The following MROH2A variants were observed in gnomAD, a reference collection of about 807,000 sequenced individuals.
The protein encoded by MROH2A is maestro heat-like repeat-containing protein family member 2A.
MROH2A carries 174 observed loss-of-function variants against 200.4 expected under a neutral mutation model. The observed-to-expected ratio is 0.87, with a 90% CI of 0.77 to 0.98. The LOEUF is 0.98. MROH2A is among the 50% of genes least tolerant of loss of function. The probability of loss-of-function intolerance (pLI) is 0.00; values close to 1 mark genes in which losing one functional copy is unlikely to be tolerated. For synonymous variants in MROH2A, 829 were observed against 840.4 expected (o/e 0.99, Z 0.23); for missense variants, 2,045 against 2,139.6 (o/e 0.96, Z 0.87).
chr2:233,804,313 A>G (rs1233136801), intron 17 of MROH2A, 121 bp downstream of exon 17: 1 of 1,437,838 alleles, frequency 7.0e-7, no homozygotes, highest in Non-Finnish European at 9.4e-7. Context: ...CAGCCAGCCC[A>G]CTTTTGTCCT....
At position 233,796,264 on chromosome 2, in the gene MROH2A, C is replaced by T. The variant is rs200628720; in HGVS notation, c.1203C>T (p.Ala401=). The T allele has an allele frequency of 3.9e-3, 5,261 of 1,365,276 alleles. 20 individuals carry two copies. Among genetic ancestry groups the T allele is most frequent in the South Asian group, 9.6e-3 (786 of 81,708 alleles). 84.6% of individuals were successfully genotyped at this position (1,365,276 alleles called of 1,614,324 possible). A position where few individuals can be genotyped will look rare whatever the true frequency, so the allele number is the denominator to read the frequency against. The part of the protein sequence containing the change: ...FFSQMETNKE[A]VRVGTLNLIR... Reference sequence around the variant, plus strand: ...GCCAGATGGAGACAAACAAGGAGGCCGTCCGCGTGGGGACTCTGAATCTGA... The same window carrying T: ...GCCAGATGGAGACAAACAAGGAGGCTGTCCGCGTGGGGACTCTGAATCTGA... Residue 401 remains alanine, a synonymous_variant, in exon 11 of 42, where the codon GCC becomes GCT. Transcript: ENST00000389758.
At chr2:233,799,936 G>A (rs1215576683) in intron 13 of MROH2A, 37 bp downstream of exon 13, 1 of 1,550,036 alleles carries the variant, frequency 6.5e-7, no homozygotes, top group Non-Finnish European at 8.7e-7. Context: ...AGAGCAGCTG[G>A]ACTTGGAAAT....
At chr2:233,826,157 T>C (rs1445981622) in intron 35 of MROH2A, among the ~76,000 whole-genome samples, 1 of 152,154 alleles carries the variant, frequency 6.6e-6, no homozygotes, top group Non-Finnish European at 1.5e-5. Flanking sequence ...TCTCTTGACC[T>C]TGTGATTTGC....
In MROH2A at chr2:233,807,605, G is replaced by T. The variant is rs901547019; in HGVS notation, c.2172+63G>T. On this transcript the variant is annotated intron_variant, in intron 20 of 41. Transcript: ENST00000389758. This position sits in a 1 kb window ranked among gnomAD's most constrained non-coding sequence, Gnocchi z 4.3. ...CCTCTGGACCCTCGGGGACATGTGT[G>T]TTCATGTGGCTGCATGCGTTTTGTG... The T allele has an allele frequency of 3.8e-5, 59 of 1,545,012 alleles. No homozygotes were observed. In the African/African-American group the frequency reaches 6.8e-4, roughly 18 times the overall value.
In MROH2A at chr2:233,831,450, C is replaced by G. The variant is rs537834470; in HGVS notation, c.4644C>G (p.Gly1548=). Residue 1548 remains glycine (G), a synonymous_variant, in exon 39 of 42, where the codon GGC becomes GGG. Coordinates refer to ENST00000389758, the MANE Select transcript of MROH2A (RefSeq NM_001394639.1). ...ATMFQCVHFW[G]WKSLEHPSGP... ...TGTTTCAGTGTGTGCACTTCTGGGG[C>G]TGGAAGTCCCTGGAGCATCCCTCAG... is the stretch of plus-strand genomic sequence containing the variant. The G allele has an allele frequency of 6.1e-5, 95 of 1,550,534 alleles. No homozygotes were observed. The African/African-American group carries it at 1.3e-3, about 21-fold the overall frequency.
chr2:233,779,512 T>C, intron 2 of MROH2A, 60 bp downstream of exon 2: 1 of 1,424,814 alleles, frequency 7.0e-7, no homozygotes, highest in Non-Finnish European at 9.7e-7. Context: ...ACTCTTTGAC[T>C]GCAGCCCCAG....
chr2:233,795,935 C>G (rs1303798517), intron 9 of MROH2A, 32 bp from the exon 10 acceptor site: 2 of 1,546,768 alleles, frequency 1.3e-6, no homozygotes, highest in East Asian at 4.9e-5. Context: ...TCCCTGTGAT[C>G]TCCTCCAGCC....
At chr2:233,788,199 C>T (rs1307109462) in intron 3 of MROH2A, among the ~76,000 whole-genome samples, 3 of 122,000 alleles carry the variant, frequency 2.5e-5, no homozygotes, top group Non-Finnish European at 4.8e-5. Flanking sequence ...CACACATATA[C>T]ATATATATGG....
chr2:233,824,868 A>G (rs17862899), intron 35 of MROH2A, among the ~76,000 whole-genome samples: 5 of 152,110 alleles, frequency 3.3e-5, no homozygotes. Flanking sequence ...AAGAATGTCA[A>G]TGGTAGTTTA....
intron 21 of MROH2A, among the ~76,000 whole-genome samples, 195 bp downstream of exon 21, chr2:233,808,050 G>A (rs1702918517): frequency 6.6e-6 from 1 of 152,226 alleles, no homozygotes; most frequent in Non-Finnish European, 1.5e-5. Context: ...TCTTAAAAAT[G>A]CAGGGTGGGC....
chr2:233,789,740 G>T, intron 4 of MROH2A, 112 bp downstream of exon 4: 1 of 1,471,842 alleles, frequency 6.8e-7, no homozygotes. Flanking sequence ...CAGAGCAGGG[G>T]TAAGGCTGAG....
chr2:233,793,141 C>T (rs1701888857), intron 6 of MROH2A, among the ~76,000 whole-genome samples: 1 of 152,176 alleles, frequency 6.6e-6, no homozygotes, highest in Non-Finnish European at 1.5e-5. Flanking sequence ...ACGGTGACTC[C>T]ATTTAGCTTG....
chr2:233,798,035 G>T (rs1023246336), intron 11 of MROH2A, among the ~76,000 whole-genome samples: 3 of 152,100 alleles, frequency 2.0e-5, no homozygotes, highest in African/African-American at 7.2e-5. Flanking sequence ...CCTTGTACCT[G>T]CTCTCATTTC....
In MROH2A at chr2:233,809,246, A is replaced by G. The variant is rs749454046; in HGVS notation, c.2416A>G (p.Lys806Glu). 6.4e-7 allele frequency: 1 copy of G among 1,550,470 alleles called. No homozygotes were observed. Among genetic ancestry groups the G allele is most frequent in the Non-Finnish European group, 8.7e-7 (1 of 1,146,922 alleles). The part of the protein sequence containing the change: ...LNLVDSPITA[K>E]IIHHYVSSCQ... Reference sequence around the variant, plus strand: ...CCTCGTGGACAGCCCCATCACCGCTAAGATCATTCACCATTATGTCAGCAG... The same window carrying G: ...CCTCGTGGACAGCCCCATCACCGCTGAGATCATTCACCATTATGTCAGCAG... Residue 806 changes from lysine to glutamate, a missense_variant, in exon 22 of 42, where the codon AAG becomes GAG. Transcript: ENST00000389758.
rs1452966899 is a variant in MROH2A, at chr2:233,799,770, G to GT, written c.1330-9dup. 12 of 1,550,378 alleles carry GT rather than the reference G, an allele frequency of 7.7e-6. No homozygotes were observed. In the African/African-American group the frequency reaches 1.5e-4, roughly 19 times the overall value. ...CAACCCCCAGCATGTCCACGGTCCTGTCCCCTCAGGTGAGGATGGCTATTC... is the reference window on the plus strand; with the variant it reads ...CAACCCCCAGCATGTCCACGGTCCTGTTCCCCTCAGGTGAGGATGGCTATTC... On this transcript the variant is annotated splice_polypyrimidine_tract_variant and intron_variant, in intron 12 of 41. Transcript: ENST00000389758.
Position 233,829,687 on chromosome 2 carries a change from C to T in MROH2A, c.4514C>T (p.Ser1505Phe). The change falls in exon 38 of 42, where the codon TCC (serine) becomes TTC (phenylalanine). Residue 1505 changes from serine (S) to phenylalanine (F), a missense_variant. This residue lies in a region of MROH2A where 1,201 missense variants were observed against 1,311.3 expected (regional missense o/e 0.92). Coordinates refer to ENST00000389758, the MANE Select transcript of MROH2A (RefSeq NM_001394639.1). ...FGKLARVVGMSKKHFFKGEVK... is the reference protein window; with the variant it reads ...FGKLARVVGMFKKHFFKGEVK... ...AAGCTGGCAAGGGTGGTCGGGATGT[C>T]CAAGAAGCATTTCTTCAAAGGGGAG... 1 of 1,494,558 alleles carries T rather than the reference C, an allele frequency of 6.7e-7. No homozygotes were observed. The allele number at this position is 1,494,558 out of a possible 1,614,324, so 92.6% of individuals were successfully genotyped here.
intron 24 of MROH2A, among the ~76,000 whole-genome samples, chr2:233,813,411 G>A (rs111726313): frequency 0.012 from 1,859 of 152,332 alleles, 17 homozygotes; most frequent in Admixed American, 0.018. Flanking sequence ...AGATTAACAG[G>A]TTCAGAGTAG....
At chr2:233,795,412 A>T (rs1702040368) in intron 8 of MROH2A, among the ~76,000 whole-genome samples, 2 of 152,150 alleles carry the variant, frequency 1.3e-5, no homozygotes, top group African/African-American at 2.4e-5. Flanking sequence ...TGAATGCCAC[A>T]CTCAGGGGCC....
At chr2:233,830,765 T>C (rs1214376835) in intron 38 of MROH2A, among the ~76,000 whole-genome samples, 1 of 152,168 alleles carries the variant, frequency 6.6e-6, no homozygotes, top group Non-Finnish European at 1.5e-5. Flanking sequence ...GCCACATCCC[T>C]CTGCCACACC....
Sources: allele counts gnomAD v4.1 joint callset (sites outside exome capture counted in the v4.1 genomes callset), GRCh38; gene constraint gnomAD v4.1.1; regional missense constraint gnomAD v4.1.1; non-coding constraint Gnocchi (gnomAD v3.1); transcripts MANE v1.5; gene names NCBI Gene and HGNC (gene_info 2026-07-23, HGNC 2026-07-21).